Variants in IFT88 observed in about 807,000 individuals in gnomAD.
IFT88 encodes intraflagellar transport protein 88 homolog.
A neutral mutation model predicts 119.5 loss-of-function variants in IFT88; 74 were observed. The observed-to-expected ratio is 0.62, with a 90% confidence interval of 0.51 to 0.75. IFT88 has a LOEUF of 0.75. Ranked by LOEUF, IFT88 falls within the 30% of genes least tolerant of loss-of-function variation. IFT88 has a pLI of 0.00. For synonymous variants in IFT88, 279 were observed against 316.7 expected (o/e 0.88, Z 1.26); for missense variants, 961 against 977.7 (o/e 0.98, Z 0.23).
At chr13:20,591,108 T>A (rs1230520293) in intron 5 of IFT88, 88 bp downstream of exon 5, 6 of 854,278 alleles carry the variant, frequency 7.0e-6, no homozygotes, top group South Asian at 4.9e-5. Context: ...TATATTATTT[T>A]AAAATGTTAA....
chr13:20,582,744 C>CT (rs1283115909), intron 2 of IFT88, among the ~76,000 whole-genome samples: 1 of 152,148 alleles, frequency 6.6e-6, no homozygotes, highest in East Asian at 1.9e-4. Flanking sequence ...ATAAAATTGA[C>CT]TAACATGACC....
Position 20,592,419 on chromosome 13 carries a change from A to T in IFT88, c.398+15A>T, listed in dbSNP as rs2040834393. The T allele has an allele frequency of 1.3e-6, 2 of 1,568,160 alleles. No individual in the cohort carries two copies. Among genetic ancestry groups the T allele is most frequent in the East Asian group, 4.5e-5 (2 of 44,444 alleles). ...AAAAAAGATAGGTATGTAAGTCCTT[A>T]TGTTGTTGTTTGTTGTTGTTGCTGC... On this transcript the variant is annotated intron_variant, in intron 7 of 25. Coordinates refer to ENST00000351808, the MANE Select transcript of IFT88 (RefSeq NM_006531.5).
intron 13 of IFT88, among the ~76,000 whole-genome samples, chr13:20,606,398 A>G (rs1314430325): frequency 6.6e-6 from 1 of 152,156 alleles, no homozygotes. Context: ...CCCAATAGAT[A>G]CAAGGACCCC....
chr13:20,597,445 A>G (rs1414069806), intron 9 of IFT88, among the ~76,000 whole-genome samples: 1 of 152,124 alleles, frequency 6.6e-6, no homozygotes, highest in Non-Finnish European at 1.5e-5. Flanking sequence ...CCTCGTCTCT[A>G]TTTATTAAAA....
At chr13:20,642,003 T>C (rs2050033194) in intron 18 of IFT88, 1 of 152,192 alleles carries the variant, frequency 6.6e-6, no homozygotes. Flanking sequence ...TGCGCTAATA[T>C]CAGTTTCTTC....
chr13:20,628,046 C>A (rs2047632196), intron 15 of IFT88, among the ~76,000 whole-genome samples: 1 of 151,986 alleles, frequency 6.6e-6, no homozygotes, highest in South Asian at 2.1e-4. Flanking sequence ...ATAATACAAT[C>A]TTAGTTTGAA....
chr13:20,670,881 T>C (rs2055721473), intron 23 of IFT88, 92 bp from the exon 24 acceptor site: 1 of 1,004,456 alleles, frequency 1.0e-6, no homozygotes, highest in African/African-American at 1.6e-5. Context: ...AAGGGTAATG[T>C]AGTAATGTTA....
chr13:20,590,935 A>C, intron 4 of IFT88, 32 bp from the exon 5 acceptor site: 1 of 1,504,002 alleles, frequency 6.6e-7, no homozygotes, highest in South Asian at 1.2e-5. Context: ...TATTTTTAGG[A>C]ATCTTTTTAA....
intron 23 of IFT88, among the ~76,000 whole-genome samples, chr13:20,668,794 G>A (rs765557287): frequency 1.3e-5 from 2 of 152,204 alleles, no homozygotes; most frequent in African/African-American, 4.8e-5. Flanking sequence ...AGGGATTAGC[G>A]GACCCATCCA....
In IFT88 at chr13:20,679,505, AG is replaced by A. The variant is rs142721164; in HGVS notation, c.2242+8467del. Among the ~76,000 whole-genome samples the A allele has an allele frequency of 3.1e-3, 467 of 152,354 alleles. 1 individual carries two copies. Among genetic ancestry groups the A allele is most frequent in the African/African-American group, 0.011 (451 of 41,580 alleles). On this transcript the variant is annotated intron_variant, in intron 24 of 25. Transcript: ENST00000351808. ...AGGAGAGGCTTCCCAAGGATGGGAA[AG>A]CTTTACAGGTATCCATACGCCTTCT...
At chr13:20,620,438 T>C (rs2046290812) in intron 14 of IFT88, among the ~76,000 whole-genome samples, 1 of 152,242 alleles carries the variant, frequency 6.6e-6, no homozygotes, top group Non-Finnish European at 1.5e-5. Context: ...ACACTTGATA[T>C]CTGGTAGTGC....
At chr13:20,656,337 A>T in intron 21 of IFT88, 28 bp from the exon 22 acceptor site, 1 of 997,264 alleles carries the variant, frequency 1.0e-6, no homozygotes, top group Non-Finnish European at 1.5e-6. Flanking sequence ...ATAATTTGCT[A>T]ATATATTTTT....
chr13:20,585,748 A>G (rs892711355), intron 3 of IFT88, among the ~76,000 whole-genome samples: 2 of 152,218 alleles, frequency 1.3e-5, no homozygotes, highest in South Asian at 2.1e-4. Flanking sequence ...GGAGCCAACA[A>G]CAGAGGCCAG....
chr13:20,671,046 A>G lies in IFT88; in HGVS notation c.2242+7A>G, dbSNP rs186240983. 67 of 1,612,186 alleles carry G rather than the reference A, an allele frequency of 4.2e-5. No homozygotes were observed. In the African/African-American group the frequency reaches 8.0e-4, roughly 19 times the overall value. ...GAAGGAAGTGCTAGCGGTGGTAAGTATTTTCTCTTTCCCTGAAAAACTTGG... is the reference window on the plus strand; with the variant it reads ...GAAGGAAGTGCTAGCGGTGGTAAGTGTTTTCTCTTTCCCTGAAAAACTTGG... On this transcript the variant is annotated splice_region_variant and intron_variant, in intron 24 of 25. Transcript: ENST00000351808.
chr13:20,577,513 C>T (rs564475832), intron 2 of IFT88, among the ~76,000 whole-genome samples: 6 of 151,838 alleles, frequency 4.0e-5, no homozygotes, highest in South Asian at 4.2e-4. Context: ...ACTTTTTTCA[C>T]GTTGAGGTAT....
At chr13:20,662,383 A>G (rs374017360) in intron 22 of IFT88, among the ~76,000 whole-genome samples, 28 of 152,276 alleles carry the variant, frequency 1.8e-4, no homozygotes, top group East Asian at 1.4e-3. Flanking sequence ...TGCAAAGAGG[A>G]GCTGGTACCA....
Position 20,625,859 on chromosome 13 carries a change from A to C in IFT88, c.1299+10A>C, listed in dbSNP as rs769729180. The C allele has an allele frequency of 6.7e-7, 1 of 1,501,020 alleles. No individual in the cohort carries two copies. The highest frequency in any genetic ancestry group is 9.0e-7 in the Non-Finnish European group (1 of 1,105,446). 93.0% of individuals were successfully genotyped at this position (1,501,020 alleles called of 1,614,324 possible). On this transcript the variant is annotated intron_variant, in intron 15 of 25. Coordinates refer to ENST00000351808, the MANE Select transcript of IFT88 (RefSeq NM_006531.5). ...AAAAGACTATAACCAAGTAAGTTTT[A>C]AAAAAAATTTTAGATGGAATTCCAT...
At chr13:20,646,127 A>T (rs2050714192) in intron 20 of IFT88, among the ~76,000 whole-genome samples, 1 of 152,158 alleles carries the variant, frequency 6.6e-6, no homozygotes. Context: ...ATTAACAGTC[A>T]GTCCCTTACC....
intron 7 of IFT88, among the ~76,000 whole-genome samples, chr13:20,595,199 G>A (rs2041429266): frequency 6.6e-6 from 1 of 152,176 alleles, no homozygotes; most frequent in Non-Finnish European, 1.5e-5. Context: ...AAGAGTTCAA[G>A]CCGTAGTGCA....
Sources: allele counts gnomAD v4.1 joint callset (sites outside exome capture counted in the v4.1 genomes callset), GRCh38; gene constraint gnomAD v4.1.1; transcripts MANE v1.5; gene names NCBI Gene and HGNC (gene_info 2026-07-23, HGNC 2026-07-21).